The following TRPC4 variants were observed in gnomAD, a reference collection of about 807,000 sequenced individuals.
The protein encoded by TRPC4 is transient receptor potential cation channel subfamily C member 4.
Under a neutral mutation model 99.4 loss-of-function variants are expected in TRPC4, and 49 were observed. That is an observed-to-expected ratio of 0.49 (90% CI 0.39 to 0.63). The LOEUF (loss-of-function observed/expected upper bound fraction) is 0.63. TRPC4 is among the 20% of genes least tolerant of loss of function. The pLI, the probability that TRPC4 is intolerant of heterozygous loss-of-function variation, is 0.00. For missense variants in TRPC4, 898 were observed against 1,152.9 expected, an observed-to-expected ratio of 0.78 and a Z score of 3.20; for synonymous variants, 454 against 425.9, an observed-to-expected ratio of 1.07 and a Z score of -0.81.
chr13:37,672,926 T>C (rs1248429741), intron 5 of TRPC4, among the ~76,000 whole-genome samples: 2 of 152,204 alleles, frequency 1.3e-5, no homozygotes, highest in Admixed American at 1.3e-4. Context: ...CAGAAAACTA[T>C]GGCCTTTCCA....
At chr13:37,646,149 T>C (rs897554051) in intron 8 of TRPC4, among the ~76,000 whole-genome samples, 2 of 152,236 alleles carry the variant, frequency 1.3e-5, no homozygotes, top group Non-Finnish European at 2.9e-5. Flanking sequence ...ATTTCATTTG[T>C]AGTGACTTAA....
At chr13:37,683,076 T>C (rs1405580104) in intron 4 of TRPC4, among the ~76,000 whole-genome samples, 1 of 151,904 alleles carries the variant, frequency 6.6e-6, no homozygotes, top group Admixed American at 6.6e-5. Context: ...GACAGTGCAG[T>C]TTTTGTGCTA....
intron 8 of TRPC4, among the ~76,000 whole-genome samples, chr13:37,648,743 G>T (rs1252265534): frequency 6.6e-6 from 1 of 152,182 alleles, no homozygotes; most frequent in Non-Finnish European, 1.5e-5. Flanking sequence ...CCAATTGACT[G>T]AGAGCTCCTC....
At chr13:37,736,007 C>T (rs1955384416) in intron 3 of TRPC4, among the ~76,000 whole-genome samples, 1 of 152,094 alleles carries the variant, frequency 6.6e-6, no homozygotes, top group African/African-American at 2.4e-5. Flanking sequence ...GGGAAAAAAA[C>T]ACTTTCAGTT....
intron 7 of TRPC4, among the ~76,000 whole-genome samples, chr13:37,653,414 AAAGAAAGAAAG>A (rs1357534992): frequency 2.9e-5 from 4 of 137,370 alleles, no homozygotes; most frequent in Non-Finnish European, 6.6e-5. Context: ...AAAGAGGAAG[AAAGAAAGAAAG>A]AAGAAAGAAG....
chr13:37,703,996 G>T (rs114243339), intron 3 of TRPC4, among the ~76,000 whole-genome samples: 1 of 152,068 alleles, frequency 6.6e-6, no homozygotes, highest in Admixed American at 6.6e-5. Context: ...GCAAAATATG[G>T]TATATTCATA....
intron 1 of TRPC4, among the ~76,000 whole-genome samples, chr13:37,837,380 A>T (rs1379046469): frequency 6.6e-6 from 1 of 152,242 alleles, no homozygotes; most frequent in African/African-American, 2.4e-5. Flanking sequence ...ATGCCAGCCC[A>T]TGAAAGCAGC....
intron 3 of TRPC4, among the ~76,000 whole-genome samples, chr13:37,714,595 C>T (rs144005735): frequency 2.1e-3 from 325 of 152,274 alleles, no homozygotes; most frequent in African/African-American, 6.7e-3. Flanking sequence ...AAAGAGGACA[C>T]GCCCAATCTC....
intron 4 of TRPC4, among the ~76,000 whole-genome samples, chr13:37,690,971 G>A (rs1478296629): frequency 6.6e-6 from 1 of 152,050 alleles, no homozygotes; most frequent in Non-Finnish European, 1.5e-5. Context: ...AAAATAATGA[G>A]CTAAATTGAG....
At chr13:37,713,995 C>T (rs2138998291) in intron 3 of TRPC4, among the ~76,000 whole-genome samples, 1 of 152,092 alleles carries the variant, frequency 6.6e-6, no homozygotes, top group Non-Finnish European at 1.5e-5. Flanking sequence ...TTCCTGAATC[C>T]TCCATTTCTC....
intron 4 of TRPC4, among the ~76,000 whole-genome samples, chr13:37,686,269 T>TAC (rs1953473146): frequency 6.6e-6 from 1 of 151,904 alleles, no homozygotes; most frequent in African/African-American, 2.4e-5. Flanking sequence ...ATTATATATA[T>TAC]ACGCACACAC....
intron 4 of TRPC4, among the ~76,000 whole-genome samples, chr13:37,682,398 T>C (rs1593502134): frequency 6.6e-6 from 1 of 152,326 alleles, no homozygotes. Context: ...TCATCAAAAA[T>C]CTGCTTCTGT....
chr13:37,817,568 G>A (rs1957893746), intron 1 of TRPC4, among the ~76,000 whole-genome samples: 1 of 151,550 alleles, frequency 6.6e-6, no homozygotes, highest in South Asian at 2.1e-4. Flanking sequence ...AATAACCAAG[G>A]CAATACTAAG....
chr13:37,680,825 T>C (rs1953211867), intron 4 of TRPC4, among the ~76,000 whole-genome samples: 1 of 152,242 alleles, frequency 6.6e-6, no homozygotes, highest in African/African-American at 2.4e-5. Context: ...TCTTTAAAGT[T>C]CATTCCAACT....
At chr13:37,698,697 A>G (rs1219822649) in intron 3 of TRPC4, among the ~76,000 whole-genome samples, 2 of 152,162 alleles carry the variant, frequency 1.3e-5, no homozygotes, top group Non-Finnish European at 2.9e-5. Flanking sequence ...AATCTCAACA[A>G]TAATCTCCAC....
chr13:37,791,951 T>C (rs1009278196), intron 1 of TRPC4, among the ~76,000 whole-genome samples: 1 of 152,184 alleles, frequency 6.6e-6, no homozygotes, highest in Non-Finnish European at 1.5e-5. Context: ...GAGATGAGTC[T>C]GCAGAGCTAG....
At position 37,708,594 on chromosome 13, in the gene TRPC4, G is replaced by C. The variant is rs528355752; in HGVS notation, c.898-16259C>G. On this transcript the variant is annotated intron_variant, in intron 3 of 10. Transcript: ENST00000379705. ...CAAAGGAATTCAAAAGTCACAATAGGGAATGTTTTCATATCTACCCTTAGA... is the reference window on the plus strand; with the variant it reads ...CAAAGGAATTCAAAAGTCACAATAGCGAATGTTTTCATATCTACCCTTAGA... 3.3e-5 allele frequency among the ~76,000 whole-genome samples: 5 copies of C among 151,190 alleles called. No individual in the cohort carries two copies. In the Admixed American group the frequency reaches 3.3e-4, roughly 10 times the overall value.
At chr13:37,860,079 G>A (rs1959222137) in intron 1 of TRPC4, among the ~76,000 whole-genome samples, 2 of 151,270 alleles carry the variant, frequency 1.3e-5, no homozygotes, top group South Asian at 4.1e-4. Flanking sequence ...TATATTTCTG[G>A]TAACTAGCAA....
intron 2 of TRPC4, among the ~76,000 whole-genome samples, chr13:37,749,830 G>A (rs73168471): frequency 0.079 from 12,007 of 151,682 alleles, 924 homozygotes; most frequent in African/African-American, 0.2. Context: ...ATCACTATTC[G>A]TTTTATACTT....
Sources: allele counts gnomAD v4.1 joint callset (sites outside exome capture counted in the v4.1 genomes callset), GRCh38; gene constraint gnomAD v4.1.1; transcripts MANE v1.5; gene names NCBI Gene and HGNC (gene_info 2026-07-23, HGNC 2026-07-21).